Variants in CNTNAP2 observed in about 807,000 individuals in gnomAD.
The protein encoded by CNTNAP2 is contactin-associated protein-like 2.
Under a neutral mutation model 155.2 loss-of-function variants are expected in CNTNAP2, and 98 were observed. The ratio of observed to expected loss-of-function variants is 0.63; its 90% confidence interval spans 0.54 to 0.75. The LOEUF (loss-of-function observed/expected upper bound fraction) is 0.75. Ranked by LOEUF, CNTNAP2 falls within the 30% of genes least tolerant of loss-of-function variation. The pLI is 0.00. For synonymous variants in CNTNAP2, 651 were observed against 631.2 expected, an observed-to-expected ratio of 1.03 and a Z score of -0.47; for missense variants, 1,727 against 1,688.1, an observed-to-expected ratio of 1.02 and a Z score of -0.40.
At chr7:146,276,000 C>G (rs961101200) in intron 1 of CNTNAP2, among the ~76,000 whole-genome samples, 1 of 152,138 alleles carries the variant, frequency 6.6e-6, no homozygotes, top group Non-Finnish European at 1.5e-5. Flanking sequence ...CTATAATGTA[C>G]AAGACAGTCA....
chr7:148,257,342 C>T (rs76618934), intron 20 of CNTNAP2, among the ~76,000 whole-genome samples: 1,608 of 152,324 alleles, frequency 0.011, 33 homozygotes, highest in African/African-American at 0.036. Context: ...CGGCATGCAT[C>T]GCTAACCCAG....
intron 20 of CNTNAP2, among the ~76,000 whole-genome samples, chr7:148,233,395 A>G (rs1293709720): frequency 7.3e-6 from 1 of 136,488 alleles, no homozygotes; most frequent in Non-Finnish European, 1.6e-5. Flanking sequence ...TAAGTCCCCA[A>G]GATCGAGAAA....
chr7:147,627,057 A>C (rs1228781803), intron 12 of CNTNAP2, among the ~76,000 whole-genome samples: 1 of 152,084 alleles, frequency 6.6e-6, no homozygotes, highest in Non-Finnish European at 1.5e-5. Flanking sequence ...ACCAGACCCA[A>C]AAGAGCAATA....
intron 1 of CNTNAP2, among the ~76,000 whole-genome samples, chr7:146,327,703 A>AT (rs1801120021): frequency 1.3e-5 from 2 of 152,218 alleles, no homozygotes. Flanking sequence ...AAAGGGATAA[A>AT]TTAATGGCCC....
intron 14 of CNTNAP2, among the ~76,000 whole-genome samples, chr7:147,960,788 T>C (rs1419208395): frequency 6.6e-6 from 1 of 151,922 alleles, no homozygotes; most frequent in Non-Finnish European, 1.5e-5. Context: ...CTAGGCTCTT[T>C]CTTTCTCCTT....
intron 17 of CNTNAP2, among the ~76,000 whole-genome samples, chr7:148,150,529 T>C (rs958189210): frequency 4.0e-5 from 6 of 151,764 alleles, no homozygotes; most frequent in Non-Finnish European, 7.4e-5. Context: ...GCGTGGGAGA[T>C]AGAGTGAGAC....
At chr7:148,110,331 C>A (rs764789797) in intron 15 of CNTNAP2, among the ~76,000 whole-genome samples, 8 of 152,056 alleles carry the variant, frequency 5.3e-5, no homozygotes, top group Non-Finnish European at 8.8e-5. Context: ...GAATGGGAAC[C>A]TGGAGGTCGG....
chr7:147,502,388 G>C (rs1423296347), intron 11 of CNTNAP2, among the ~76,000 whole-genome samples: 1 of 151,808 alleles, frequency 6.6e-6, no homozygotes, highest in Non-Finnish European at 1.5e-5. Flanking sequence ...AAGCCAGACA[G>C]AGAAAAACAA....
At chr7:147,388,326 A>C (rs1563185368) in intron 9 of CNTNAP2, among the ~76,000 whole-genome samples, 2 of 152,172 alleles carry the variant, frequency 1.3e-5, no homozygotes, top group Admixed American at 6.5e-5. Context: ...ACAGCTTAGA[A>C]TCAGTCATTT....
At chr7:147,423,429 A>G (rs2116512978) in intron 10 of CNTNAP2, among the ~76,000 whole-genome samples, 1 of 152,298 alleles carries the variant, frequency 6.6e-6, no homozygotes, top group Admixed American at 6.5e-5. Flanking sequence ...TAGAGTACAC[A>G]CTACTTACAT....
In CNTNAP2 at chr7:147,590,608, C is replaced by T. The variant is rs536493029; in HGVS notation, c.1897+28351C>T. Among the ~76,000 whole-genome samples the T allele has an allele frequency of 7.4e-4, 113 of 152,268 alleles. 2 individuals carry two copies. In the South Asian group the frequency reaches 0.022, roughly 29 times the overall value. On this transcript the variant is annotated intron_variant, in intron 12 of 23. Coordinates refer to ENST00000361727, the MANE Select transcript of CNTNAP2 (RefSeq NM_014141.6). ...TTATTTCTTTACAGCAGCATGAGAA[C>T]GGACTAATATACAAATACTGAGGAT...
intron 18 of CNTNAP2, among the ~76,000 whole-genome samples, chr7:148,207,632 G>A (rs1027963548): frequency 1.3e-5 from 2 of 152,136 alleles, no homozygotes; most frequent in African/African-American, 4.8e-5. Flanking sequence ...AAGATTTACA[G>A]GTTTTCTGAA....
At chr7:147,170,081 C>T (rs530777540) in intron 8 of CNTNAP2, among the ~76,000 whole-genome samples, 19 of 151,964 alleles carry the variant, frequency 1.3e-4, no homozygotes, top group Non-Finnish European at 1.9e-4. Flanking sequence ...GTCTCTGGTC[C>T]TTTAACTGTG....
intron 3 of CNTNAP2, among the ~76,000 whole-genome samples, chr7:146,966,211 C>G (rs1348047222): frequency 6.6e-6 from 1 of 152,206 alleles, no homozygotes; most frequent in Non-Finnish European, 1.5e-5. Flanking sequence ...GTAACATGCA[C>G]AGAGATGAAC....
chr7:146,976,065 G>T (rs1373403489), intron 3 of CNTNAP2, among the ~76,000 whole-genome samples: 1 of 152,142 alleles, frequency 6.6e-6, no homozygotes, highest in Non-Finnish European at 1.5e-5. Context: ...GAAAACAGGA[G>T]CCCTTAAAAT....
chr7:148,155,879 G>T (rs149253980), intron 17 of CNTNAP2, among the ~76,000 whole-genome samples: 3 of 152,272 alleles, frequency 2.0e-5, no homozygotes, highest in Non-Finnish European at 4.4e-5. Context: ...GGCCCAGAGG[G>T]TATGTGGAAA....
At chr7:148,116,150 A>G (rs1042813734) in intron 15 of CNTNAP2, among the ~76,000 whole-genome samples, 32 of 152,222 alleles carry the variant, frequency 2.1e-4, no homozygotes, top group Middle Eastern at 3.4e-3. Flanking sequence ...AAAAAAAAAA[A>G]AAGAAGAAGC....
At chr7:146,482,206 G>GAAAAA (rs749887909) in intron 1 of CNTNAP2, among the ~76,000 whole-genome samples, 8 of 82,142 alleles carry the variant, frequency 9.7e-5, no homozygotes, top group African/African-American at 2.4e-4. Flanking sequence ...CTAAGAATTA[G>GAAAAA]AAAAAAAAAA....
chr7:147,208,030 A>G (rs1803056494), intron 8 of CNTNAP2, among the ~76,000 whole-genome samples: 1 of 152,040 alleles, frequency 6.6e-6, no homozygotes, highest in South Asian at 2.1e-4. Flanking sequence ...TTGGATGAAC[A>G]CGCCTTGACA....
Sources: gnomAD v4.1 joint callset for allele counts (sites outside exome capture counted in the v4.1 genomes callset) on GRCh38, gnomAD v4.1.1 for gene constraint, MANE v1.5 for transcripts, NCBI Gene and HGNC (gene_info 2026-07-23, HGNC 2026-07-21) for gene names.